The following LRRC37A2 variants were observed in gnomAD, a reference collection of about 807,000 sequenced individuals.
LRRC37A2 encodes the protein leucine-rich repeat-containing protein 37A2.
Under a neutral mutation model 68.8 loss-of-function variants are expected in LRRC37A2, and 9 were observed. The ratio of observed to expected loss-of-function variants is 0.13; its 90% confidence interval spans 0.08 to 0.23. LRRC37A2 has a LOEUF of 0.23. LRRC37A2 is among the 10% of genes least tolerant of loss of function. LRRC37A2 has a pLI of 1.00. For missense variants in LRRC37A2, 168 were observed against 950.4 expected, an observed-to-expected ratio of 0.18 and a Z score of 10.82; for synonymous variants, 63 against 367.6, an observed-to-expected ratio of 0.17 and a Z score of 9.48.
chr17:46,866,036 ATAG>A, the LRRC37A2 span, among the ~76,000 whole-genome samples: 1 of 152,218 alleles, frequency 6.6e-6, no homozygotes, highest in Non-Finnish European at 1.5e-5. Context: ...AAGGTTGGAA[ATAG>A]TAGCTTCCGA....
chr17:46,961,594 G>A, the LRRC37A2 span, among the ~76,000 whole-genome samples: 1 of 152,136 alleles, frequency 6.6e-6, no homozygotes, highest in Non-Finnish European at 1.5e-5. Context: ...TAAGATGATA[G>A]AAATAATCCA....
At chr17:46,889,518 C>A in the LRRC37A2 span, among the ~76,000 whole-genome samples, 7 of 152,182 alleles carry the variant, frequency 4.6e-5, no homozygotes, top group Non-Finnish European at 8.8e-5. Context: ...GGCCATCAGC[C>A]CCCAGTTGGC....
the LRRC37A2 span, among the ~76,000 whole-genome samples, chr17:46,733,771 A>G: frequency 6.6e-6 from 1 of 152,330 alleles, no homozygotes; most frequent in African/African-American, 2.4e-5. Flanking sequence ...TTAAACTTTT[A>G]CAAAAGAAGA....
At chr17:46,788,001 A>T in the LRRC37A2 span, among the ~76,000 whole-genome samples, 3 of 150,952 alleles carry the variant, frequency 2.0e-5, no homozygotes, top group African/African-American at 7.3e-5. Flanking sequence ...CTCCTCAGTG[A>T]CCCCACCTCA....
At chr17:46,822,227 C>T in the LRRC37A2 span, among the ~76,000 whole-genome samples, 1 of 152,006 alleles carries the variant, frequency 6.6e-6, no homozygotes, top group East Asian at 1.9e-4. Context: ...AACCGCAGAG[C>T]GGTTTTAGGC....
At chr17:46,749,605 T>C in the LRRC37A2 span, among the ~76,000 whole-genome samples, 6 of 152,222 alleles carry the variant, frequency 3.9e-5, no homozygotes, top group East Asian at 1.2e-3. Context: ...GGTTGGTACC[T>C]TTTTTCAGGA....
chr17:46,723,671 G>A, the LRRC37A2 span, among the ~76,000 whole-genome samples: 1 of 152,056 alleles, frequency 6.6e-6, no homozygotes, highest in Non-Finnish European at 1.5e-5. Flanking sequence ...ACAGATCCTT[G>A]ACTCCAGTTT....
the LRRC37A2 span, among the ~76,000 whole-genome samples, chr17:46,789,948 C>T: frequency 2.6e-5 from 4 of 152,210 alleles, no homozygotes; most frequent in Admixed American, 1.3e-4. Flanking sequence ...GGCTTCTTTG[C>T]GCCTCATCCC....
the LRRC37A2 span, chr17:46,769,923 C>A: frequency 6.2e-7 from 1 of 1,613,488 alleles, no homozygotes; most frequent in Non-Finnish European, 8.5e-7. Context: ...CAGCCTTCGC[C>A]AGGCGGCCCC....
the LRRC37A2 span, chr17:46,768,666 G>C: frequency 6.2e-7 from 1 of 1,614,158 alleles, no homozygotes; most frequent in Non-Finnish European, 8.5e-7. The surrounding 1 kb of genome is among the most constrained non-coding windows in gnomAD (Gnocchi z 5.0). Context: ...CATCTCCGAG[G>C]CGCTGTCATA....
chr17:47,043,778 G>A, the LRRC37A2 span, among the ~76,000 whole-genome samples: 3 of 138,902 alleles, frequency 2.2e-5, no homozygotes, highest in African/African-American at 7.6e-5. Flanking sequence ...AGTGGCTCAA[G>A]CTGGTAATCC....
At chr17:46,763,837 A>AC in the LRRC37A2 span, 9 of 143,668 alleles carry the variant, frequency 6.3e-5, no homozygotes, top group East Asian at 1.5e-3. Context: ...CCACCAAAAA[A>AC]AAAAAAAAAC....
At chr17:46,743,869 T>G in the LRRC37A2 span, among the ~76,000 whole-genome samples, 1 of 152,122 alleles carries the variant, frequency 6.6e-6, no homozygotes, top group Non-Finnish European at 1.5e-5. Context: ...GCATCCCGAG[T>G]CTGCCTTTTG....
chr17:46,791,938 A>AT, the LRRC37A2 span, among the ~76,000 whole-genome samples: 1 of 152,094 alleles, frequency 6.6e-6, no homozygotes, highest in Admixed American at 6.5e-5. Context: ...TACTGGGGAG[A>AT]CTGAGGCGGG....
chr17:46,831,211 C>G, the LRRC37A2 span, among the ~76,000 whole-genome samples: 1 of 152,156 alleles, frequency 6.6e-6, no homozygotes, highest in Admixed American at 6.5e-5. Context: ...CCTGACCATA[C>G]AGTCTGTGTG....
At chr17:46,757,867 G>A in the LRRC37A2 span, among the ~76,000 whole-genome samples, 1 of 152,088 alleles carries the variant, frequency 6.6e-6, no homozygotes, top group Non-Finnish European at 1.5e-5. Context: ...GGTGGCACAT[G>A]CCTATAATCC....
At chr17:46,719,578 A>G in the LRRC37A2 span, among the ~76,000 whole-genome samples, 2 of 152,178 alleles carry the variant, frequency 1.3e-5, no homozygotes, top group Admixed American at 6.5e-5. This position sits in a 1 kb window ranked among gnomAD's most constrained non-coding sequence, Gnocchi z 4.3. Context: ...GGGGTATACC[A>G]TATGTTCCAT....
chr17:46,923,566 G>GAGGAGACACGGAGT, the LRRC37A2 span: 5 of 1,315,530 alleles, frequency 3.8e-6, no homozygotes, highest in Non-Finnish European at 4.8e-6. Flanking sequence ...TAGACCTCGA[G>GAGGAGACACGGAGT]AGGAGACACG....
chr17:46,752,661 G>T, the LRRC37A2 span, among the ~76,000 whole-genome samples: 1 of 152,186 alleles, frequency 6.6e-6, no homozygotes, highest in African/African-American at 2.4e-5. Context: ...TCACTATGTT[G>T]CCCAGGCTGG....
Sources: gnomAD v4.1 joint callset for allele counts (sites outside exome capture counted in the v4.1 genomes callset) on GRCh38, gnomAD v4.1.1 for gene constraint, Gnocchi (gnomAD v3.1) non-coding constraint, MANE v1.5 for transcripts, NCBI Gene and HGNC (gene_info 2026-07-23, HGNC 2026-07-21) for gene names.